The following FAM168A variants were observed in gnomAD, a reference collection of about 807,000 sequenced individuals.
The protein encoded by FAM168A is protein FAM168A.
In FAM168A, 3 loss-of-function variants were observed where a neutral mutation model predicts 28.5. The ratio of observed to expected loss-of-function variants is 0.11; its 90% CI spans 0.05 to 0.27. The LOEUF is 0.27. Among genes scored for constraint, FAM168A ranks in the 10% least tolerant of loss-of-function variants. The probability of loss-of-function intolerance (pLI) is 1.00; values close to 1 mark genes in which losing one functional copy is unlikely to be tolerated. For missense variants in FAM168A, 222 were observed against 311.5 expected (o/e 0.71, Z 2.16); for synonymous variants, 122 against 124.2 (o/e 0.98, Z 0.12).
chr11:73,529,764 G>A (rs1943492688), intron 1 of FAM168A, among the ~76,000 whole-genome samples: 1 of 149,684 alleles, frequency 6.7e-6, no homozygotes, highest in African/African-American at 2.5e-5. Flanking sequence ...CTATCTTCAA[G>A]AGACATTCCT....
rs34089809 is a variant in FAM168A at position 73,401,080 on chromosome 11, T to TTTATTATTATTATTA, written c.*5668_*5682dup. The TTTATTATTATTATTA allele has an allele frequency of 1.8e-3, 266 of 146,584 alleles. No homozygotes were observed. The highest frequency in any genetic ancestry group is 5.8e-3 in the African/African-American group (235 of 40,280). 9.1% of individuals were successfully genotyped at this position (146,584 alleles called of 1,614,324 possible). A position where few individuals can be genotyped will look rare whatever the true frequency, so the allele number is the denominator to read the frequency against. ...CTACTTGGAAGACACTGGTCAAAGG[T>TTTATTATTATTATTA]TTATTATTATTATTATTATTATTAT... is the stretch of plus-strand genomic sequence containing the variant. On this transcript the variant is annotated 3_prime_UTR_variant, in exon 8 of 8. Transcript: ENST00000356467.
intron 1 of FAM168A, among the ~76,000 whole-genome samples, chr11:73,501,139 G>A (rs1855003923): frequency 6.6e-6 from 1 of 152,166 alleles, no homozygotes. Context: ...AACAGGAAGT[G>A]CTAACTATTC....
At chr11:73,491,136 G>C (rs1401834260) in intron 1 of FAM168A, among the ~76,000 whole-genome samples, 1 of 152,092 alleles carries the variant, frequency 6.6e-6, no homozygotes, top group African/African-American at 2.4e-5. Flanking sequence ...ACCAGCTGTT[G>C]ACAAAACACA....
At chr11:73,419,297 CA>C (rs1866751908) in intron 4 of FAM168A, among the ~76,000 whole-genome samples, 1 of 152,224 alleles carries the variant, frequency 6.6e-6, no homozygotes, top group Non-Finnish European at 1.5e-5. Context: ...TCCCACAGTG[CA>C]GCTTGCACTA....
intron 1 of FAM168A, among the ~76,000 whole-genome samples, chr11:73,514,226 T>C (rs967114829): frequency 1.3e-5 from 2 of 151,776 alleles, no homozygotes; most frequent in Non-Finnish European, 2.9e-5. Flanking sequence ...AGTGAGACCC[T>C]CTCTCAAAAA....
rs544340797 is a variant in FAM168A at position 73,572,090 on chromosome 11, G to A, written c.-19+25833C>T. On this transcript the variant is annotated intron_variant, in intron 1 of 7. Transcript: ENST00000356467. ...CGTCTGGGAAGTGAGGAGCCCCTCC[G>A]CCCGGCAGCCACCCCGTCTGGGAAG... is the stretch of plus-strand genomic sequence containing the variant. Among the ~76,000 whole-genome samples, 1,470 of 150,730 alleles carry A rather than the reference G, an allele frequency of 9.8e-3. 29 individuals are homozygous for A. Among genetic ancestry groups the A allele is most frequent in the African/African-American group, 0.033 (1,367 of 40,890 alleles).
chr11:73,529,796 C>CTTCTTTTTTTT (rs1555033111), intron 1 of FAM168A, among the ~76,000 whole-genome samples: 1 of 127,534 alleles, frequency 7.8e-6, no homozygotes, highest in African/African-American at 3.4e-5. Flanking sequence ...ACTTTTTCTT[C>CTTCTTTTTTTT]TTTTTTTTTT....
At chr11:73,453,446 AAGTTACT>A (rs150028752) in intron 2 of FAM168A, among the ~76,000 whole-genome samples, 2,681 of 152,274 alleles carry the variant, frequency 0.018, 63 homozygotes, top group African/African-American at 0.054. Context: ...AGCACTAGTA[AAGTTACT>A]AATCTCAACA....
chr11:73,426,181 G>A (rs977583888), intron 3 of FAM168A, among the ~76,000 whole-genome samples: 14 of 152,092 alleles, frequency 9.2e-5, no homozygotes, highest in African/African-American at 2.2e-4. Context: ...CTGTTTATCC[G>A]TCCCTTCATT....
chr11:73,580,620 C>T (rs1944231297), intron 1 of FAM168A: 1 of 454,622 alleles, frequency 2.2e-6, no homozygotes, highest in Non-Finnish European at 4.2e-6. Context: ...TTTTGTTTTA[C>T]TTTTTTAAGC....
intron 2 of FAM168A, among the ~76,000 whole-genome samples, chr11:73,461,066 G>C (rs1351804639): frequency 6.6e-6 from 1 of 152,096 alleles, no homozygotes; most frequent in Non-Finnish European, 1.5e-5. Context: ...GCATGCAGGG[G>C]CCTAGCTGGG....
chr11:73,514,090 C>T (rs1855282091), intron 1 of FAM168A, among the ~76,000 whole-genome samples: 1 of 151,986 alleles, frequency 6.6e-6, no homozygotes, highest in African/African-American at 2.4e-5. Context: ...GAGGCTGAGG[C>T]TGCAGTGAGC....
chr11:73,548,165 A>T (rs879406533), intron 1 of FAM168A, among the ~76,000 whole-genome samples: 2 of 152,356 alleles, frequency 1.3e-5, no homozygotes, highest in Admixed American at 1.3e-4. Flanking sequence ...CTGTTATGCA[A>T]CAATGTAAAT....
chr11:73,540,660 G>C (rs1157050176), intron 1 of FAM168A, among the ~76,000 whole-genome samples: 1 of 152,126 alleles, frequency 6.6e-6, no homozygotes, highest in Non-Finnish European at 1.5e-5. Context: ...TCAGGACTCT[G>C]CTCAAATGCA....
chr11:73,448,416 T>C (rs974245676), intron 2 of FAM168A, among the ~76,000 whole-genome samples: 2 of 152,200 alleles, frequency 1.3e-5, no homozygotes, highest in Non-Finnish European at 2.9e-5. Context: ...TTTCATGAGG[T>C]AGGTCCTACC....
chr11:73,442,245 C>G (rs1327871507), intron 2 of FAM168A, among the ~76,000 whole-genome samples: 1 of 151,906 alleles, frequency 6.6e-6, no homozygotes, highest in Non-Finnish European at 1.5e-5. Flanking sequence ...CCTGCCTCAG[C>G]CTCCCGAGTA....
chr11:73,433,488 G>A (rs1449928067), intron 2 of FAM168A, among the ~76,000 whole-genome samples: 1 of 151,782 alleles, frequency 6.6e-6, no homozygotes, highest in African/African-American at 2.4e-5. Context: ...TGACCCTTAC[G>A]TTTTCTTCTA....
rs368457408 is a variant in FAM168A, at chr11:73,496,873, T to TCTCACACA, written c.-18-28382_-18-28381insTGTGTGAG. Among the ~76,000 whole-genome samples the TCTCACACA allele has an allele frequency of 1.2e-3, 162 of 140,220 alleles. 1 individual carries two copies. Among genetic ancestry groups the TCTCACACA allele is most frequent in the African/African-American group, 3.4e-3 (127 of 36,872 alleles). 92.0% of individuals were successfully genotyped at this position (140,220 alleles called of 152,430 possible). A position where few individuals can be genotyped will look rare whatever the true frequency, so the allele number is the denominator to read the frequency against. The stretch of plus-strand genomic sequence containing the variant: ...CTGCACCCAGCCCTGTATGTTCTTA[T>TCTCACACA]CACACACACACACACACACACACAC... On this transcript the variant is annotated intron_variant, in intron 1 of 7. Coordinates refer to ENST00000356467, the MANE Select transcript of FAM168A (RefSeq NM_015159.3).
At chr11:73,516,190 T>G (rs762176167) in intron 1 of FAM168A, among the ~76,000 whole-genome samples, 62 of 151,746 alleles carry the variant, frequency 4.1e-4, no homozygotes, top group Admixed American at 7.9e-4. Context: ...ATCTGGGAGC[T>G]CTATAAAATG....
Sources: allele counts gnomAD v4.1 joint callset (sites outside exome capture counted in the v4.1 genomes callset), GRCh38; gene constraint gnomAD v4.1.1; transcripts MANE v1.5; gene names NCBI Gene and HGNC (gene_info 2026-07-23, HGNC 2026-07-21).